Variants in PCDH11X observed in about 807,000 individuals in gnomAD.
The protein encoded by PCDH11X is protocadherin-11 X-linked.
PCDH11X carries 18 observed loss-of-function variants against 53.3 expected under a neutral mutation model. The ratio of observed to expected loss-of-function variants is 0.34; its 90% CI spans 0.23 to 0.50. The LOEUF (loss-of-function observed/expected upper bound fraction) is 0.50. PCDH11X is among the 20% of genes least tolerant of loss of function. The pLI is 0.98. For missense variants in PCDH11X, 570 were observed against 1,032.4 expected, an observed-to-expected ratio of 0.55 and a Z score of 6.14; for synonymous variants, 279 against 393.3, an observed-to-expected ratio of 0.71 and a Z score of 3.44.
intron 10 of PCDH11X, among the ~76,000 whole-genome samples, chrX:92,497,536 G>T (rs2073881051): frequency 9.1e-6 from 1 of 109,622 alleles, no homozygotes; most frequent in Non-Finnish European, 1.9e-5. Context: ...ATCAATGTTT[G>T]TTGAATTGAA....
intron 10 of PCDH11X, among the ~76,000 whole-genome samples, chrX:92,528,848 G>A: frequency 9.0e-6 from 1 of 110,835 alleles, no homozygotes; most frequent in Non-Finnish European, 1.9e-5. Context: ...GAGAATATCA[G>A]CATTAAGACC....
At chrX:92,045,218 C>T (rs1466265845) in intron 6 of PCDH11X, among the ~76,000 whole-genome samples, 1 of 108,241 alleles carries the variant, frequency 9.2e-6, no homozygotes, top group Non-Finnish European at 1.9e-5. Flanking sequence ...CACCTGGTAC[C>T]TGCCCTTAGG....
chrX:92,142,277 C>T (rs1200882591), intron 6 of PCDH11X, among the ~76,000 whole-genome samples: 1 of 109,623 alleles, frequency 9.1e-6, no homozygotes, highest in Non-Finnish European at 1.9e-5. Flanking sequence ...CTGCCTCAGC[C>T]TCCCTAGTAG....
At chrX:92,148,062 CTTTCTTTCTTTCTTTCTTTCTTTCTTT>C (rs1569389065) in intron 6 of PCDH11X, among the ~76,000 whole-genome samples, 270 of 7,927 alleles carry the variant, frequency 0.034, 10 homozygotes, top group Non-Finnish European at 0.044. Flanking sequence ...TCCTTCCTTT[CTTTCTTTCTTTCTTTCTTTCTTTCTTT>C]CTTTCTTTCT....
Position 92,618,805 on chromosome X carries a change from G to A in PCDH11X, c.3909G>A (p.Gln1303=). ...GAGTGCAAGGTAGTGCAACATCTCA[G>A]TTTTACACCATGTCTGAAAGACTTC... ...DQGVQGSATS[Q]FYTMSERLHP... is the part of the protein sequence containing the mutation. The change falls in exon 11 of 11, where the codon CAG becomes CAA. Residue 1303 remains glutamine, a synonymous_variant. Transcript: ENST00000682573. 1 of 1,211,813 alleles carries A rather than the reference G, an allele frequency of 8.3e-7. No homozygotes were observed. The highest frequency in any genetic ancestry group is 1.1e-6 in the Non-Finnish European group (1 of 895,468).
chrX:92,315,115 C>T (rs2069046120), intron 8 of PCDH11X, among the ~76,000 whole-genome samples: 2 of 111,737 alleles, frequency 1.8e-5, no homozygotes, highest in Admixed American at 1.9e-4. Flanking sequence ...GTGCACCTCC[C>T]AGAGGGCCCT....
intron 10 of PCDH11X, among the ~76,000 whole-genome samples, chrX:92,522,263 T>C (rs1356604424): frequency 1.8e-5 from 2 of 111,670 alleles, no homozygotes; most frequent in Admixed American, 1.9e-4. Flanking sequence ...ATTTTATGGT[T>C]ATTAATTGGC....
chrX:91,830,221 G>T (rs765726835), intron 4 of PCDH11X, among the ~76,000 whole-genome samples: 2 of 111,871 alleles, frequency 1.8e-5, no homozygotes, highest in African/African-American at 6.5e-5. Context: ...ACTAACTGTT[G>T]TTGGAATGCT....
At chrX:92,495,956 A>G (rs1466501115) in intron 10 of PCDH11X, among the ~76,000 whole-genome samples, 4 of 102,999 alleles carry the variant, frequency 3.9e-5, no homozygotes, top group Non-Finnish European at 5.8e-5. Context: ...GTGGGGAGAC[A>G]GAACCAAATC....
intron 10 of PCDH11X, among the ~76,000 whole-genome samples, chrX:92,474,274 C>G (rs1323523839): frequency 9.0e-6 from 1 of 110,685 alleles, no homozygotes; most frequent in African/African-American, 3.3e-5. Flanking sequence ...TACTACCACT[C>G]TTTTTTAGTT....
At chrX:92,088,502 G>A (rs1345908129) in intron 6 of PCDH11X, among the ~76,000 whole-genome samples, 1 of 110,177 alleles carries the variant, frequency 9.1e-6, no homozygotes, top group Non-Finnish European at 1.9e-5. Flanking sequence ...TTTTCAATAA[G>A]TAGGAAATGG....
intron 5 of PCDH11X, among the ~76,000 whole-genome samples, chrX:91,846,181 A>G (rs926631387): frequency 8.9e-6 from 1 of 111,953 alleles, no homozygotes; most frequent in African/African-American, 3.2e-5. Flanking sequence ...ATTTTACCCA[A>G]TAACCTTCCT....
chrX:92,256,733 AC>A (rs2067596942), intron 7 of PCDH11X, among the ~76,000 whole-genome samples: 1 of 109,163 alleles, frequency 9.2e-6, no homozygotes, highest in Admixed American at 9.9e-5. Flanking sequence ...CCTTTGACAG[AC>A]CCCCATATGT....
intron 7 of PCDH11X, among the ~76,000 whole-genome samples, chrX:92,247,352 T>TA (rs1465702923): frequency 1.8e-5 from 2 of 111,176 alleles, no homozygotes; most frequent in Non-Finnish European, 3.8e-5. Context: ...TCCAGGCATT[T>TA]AAAAAAAATA....
At chrX:92,307,348 G>A (rs2068853647) in intron 8 of PCDH11X, among the ~76,000 whole-genome samples, 1 of 110,362 alleles carries the variant, frequency 9.1e-6, no homozygotes, top group Non-Finnish European at 1.9e-5. Context: ...TTAACAGAAT[G>A]AAGGAAAAAA....
At chrX:92,268,037 T>G (rs969271884) in intron 8 of PCDH11X, among the ~76,000 whole-genome samples, 2 of 112,242 alleles carry the variant, frequency 1.8e-5, no homozygotes, top group African/African-American at 3.2e-5. Flanking sequence ...CACATAAAAT[T>G]TGGGAGACAT....
At chrX:92,256,083 G>A (rs758200974) in intron 7 of PCDH11X, among the ~76,000 whole-genome samples, 14 of 112,332 alleles carry the variant, frequency 1.2e-4, no homozygotes, top group African/African-American at 1.6e-4. Flanking sequence ...AGCAATCAGC[G>A]AGACTCCGTG....
At chrX:92,421,733 T>C (rs2071971373) in intron 9 of PCDH11X, among the ~76,000 whole-genome samples, 2 of 112,177 alleles carry the variant, frequency 1.8e-5, no homozygotes, top group African/African-American at 6.5e-5. Context: ...ACTAACAATA[T>C]GTAACTCTTC....
At chrX:92,096,629 C>T (rs1482811271) in intron 6 of PCDH11X, among the ~76,000 whole-genome samples, 1 of 110,734 alleles carries the variant, frequency 9.0e-6, no homozygotes, top group Non-Finnish European at 1.9e-5. Flanking sequence ...GCCTCACAAT[C>T]ATGTTGTAAG....
Sources: gnomAD v4.1 joint callset for allele counts (sites outside exome capture counted in the v4.1 genomes callset) on GRCh38, gnomAD v4.1.1 for gene constraint, MANE v1.5 for transcripts, NCBI Gene and HGNC (gene_info 2026-07-23, HGNC 2026-07-21) for gene names.